Variants in RAD54B observed in about 807,000 individuals in gnomAD.
RAD54B encodes RAD54 homolog B, also known as DNA repair and recombination protein RAD54B.
In RAD54B, 78 loss-of-function variants were observed where a neutral mutation model predicts 95.8. The observed-to-expected ratio is 0.81, with a 90% CI of 0.68 to 0.98. The LOEUF (loss-of-function observed/expected upper bound fraction) is 0.98. Ranked by LOEUF, RAD54B falls within the 50% of genes least tolerant of loss-of-function variation. The pLI is 0.00. For synonymous variants in RAD54B, 328 were observed against 354.9 expected, an observed-to-expected ratio of 0.92 and a Z score of 0.85; for missense variants, 957 against 1,056.6, an observed-to-expected ratio of 0.91 and a Z score of 1.31.
chr8:94,393,413 AC>A (rs1811068116), intron 9 of RAD54B: 1 of 228,332 alleles, frequency 4.4e-6, no homozygotes, highest in Non-Finnish European at 8.4e-6. Context: ...AGACTGGGCA[AC>A]GCAGAGTGAC....
chr8:94,433,979 T>C (rs1253618670), intron 3 of RAD54B, among the ~76,000 whole-genome samples: 1 of 151,716 alleles, frequency 6.6e-6, no homozygotes, highest in African/African-American at 2.4e-5. Context: ...AGAGACAAAA[T>C]GAAACATATA....
At chr8:94,459,774 C>T (rs1207321835) in intron 2 of RAD54B, among the ~76,000 whole-genome samples, 1 of 151,234 alleles carries the variant, frequency 6.6e-6, no homozygotes, top group Non-Finnish European at 1.5e-5. Context: ...GCAGGAGAAT[C>T]GCTTGAACTC....
chr8:94,437,273 T>C (rs1812291650), intron 3 of RAD54B, among the ~76,000 whole-genome samples: 2 of 152,230 alleles, frequency 1.3e-5, no homozygotes, highest in South Asian at 4.1e-4. Context: ...GCAGTATCAC[T>C]TTAATAAAAA....
chr8:94,393,527 T>C (rs1203410618), intron 9 of RAD54B: 2 of 424,710 alleles, frequency 4.7e-6, no homozygotes, highest in Admixed American at 8.7e-5. Flanking sequence ...AACATTTTTA[T>C]ATGTTTATTG....
intron 1 of RAD54B, among the ~76,000 whole-genome samples, chr8:94,469,323 T>G (rs1813111522): frequency 6.6e-6 from 1 of 152,130 alleles, no homozygotes. Context: ...GATCCGATGG[T>G]TTTATACATG....
intron 1 of RAD54B, among the ~76,000 whole-genome samples, chr8:94,473,229 T>C (rs895682391): frequency 2.0e-5 from 3 of 152,226 alleles, no homozygotes; most frequent in African/African-American, 7.2e-5. Flanking sequence ...AGCCCTGATG[T>C]GATGCTACAA....
intron 3 of RAD54B, among the ~76,000 whole-genome samples, chr8:94,414,251 A>T (rs1245630162): frequency 6.6e-6 from 1 of 152,214 alleles, no homozygotes. Flanking sequence ...TTTTCTAGAT[A>T]TACAATCATG....
At chr8:94,470,241 AC>A in intron 1 of RAD54B, among the ~76,000 whole-genome samples, 1 of 152,098 alleles carries the variant, frequency 6.6e-6, no homozygotes, top group East Asian at 1.9e-4. Context: ...CAGGTGGATC[AC>A]CTGAGGTCGG....
At chr8:94,396,045 G>C (rs1811135017) in intron 8 of RAD54B, among the ~76,000 whole-genome samples, 1 of 151,890 alleles carries the variant, frequency 6.6e-6, no homozygotes, top group South Asian at 2.1e-4. Context: ...ACACAAGAAG[G>C]GAATAGGAAA....
At chr8:94,372,766 A>G (rs902915584) in intron 14 of RAD54B, among the ~76,000 whole-genome samples, 2 of 152,238 alleles carry the variant, frequency 1.3e-5, no homozygotes, top group Non-Finnish European at 2.9e-5. Context: ...TCAGCATTCC[A>G]TAATGAAACT....
At chr8:94,474,633 C>A (rs986771470) in intron 1 of RAD54B, among the ~76,000 whole-genome samples, 14 of 152,300 alleles carry the variant, frequency 9.2e-5, no homozygotes, top group African/African-American at 3.4e-4. Flanking sequence ...GAGCCTTCAC[C>A]CCCTGGCCCT....
Position 94,432,144 on chromosome 8 carries a change from T to C in RAD54B, c.305-20829A>G, listed in dbSNP as rs1254487920. On this transcript the variant is annotated intron_variant, in intron 3 of 14. Coordinates refer to ENST00000336148, the MANE Select transcript of RAD54B (RefSeq NM_012415.3). Reference sequence around the variant, plus strand: ...TGAAAAAAAAACTTAGAGACTGTTATATTCAGGTAGATCATGCCGTAAGCG... The same window carrying C: ...TGAAAAAAAAACTTAGAGACTGTTACATTCAGGTAGATCATGCCGTAAGCG... 4.5e-6 allele frequency: 7 copies of C among 1,547,872 alleles called. No individual in the cohort carries two copies. In the East Asian group the frequency reaches 1.7e-4, roughly 38 times the overall value.
At chr8:94,374,341 C>T (rs944288176) in intron 14 of RAD54B, among the ~76,000 whole-genome samples, 1 of 150,906 alleles carries the variant, frequency 6.6e-6, no homozygotes, top group East Asian at 1.9e-4. Context: ...TAGAATAATA[C>T]CTGCAAAGTA....
intron 3 of RAD54B, among the ~76,000 whole-genome samples, chr8:94,455,922 A>G (rs1282446853): frequency 6.6e-6 from 1 of 152,174 alleles, no homozygotes; most frequent in African/African-American, 2.4e-5. Context: ...CAAAGACCCT[A>G]TTTCCAAATA....
In RAD54B at chr8:94,407,559, A is replaced by C; in HGVS notation, c.661T>G (p.Ser221Ala). The C allele has an allele frequency of 6.2e-7, 1 of 1,614,042 alleles. No homozygotes were observed. The highest frequency in any genetic ancestry group is 1.1e-5 in the South Asian group (1 of 91,084). ...GGGSTAISHSSQVARKCFSNP... is the reference protein window; with the variant it reads ...GGGSTAISHSAQVARKCFSNP... ...GAGAAACATTTCCTGGCAACCTGAG[A>C]AGAATGCGAGATAGCAGTACTTCCT... Residue 221 changes from serine to alanine, a missense_variant, in exon 5 of 15, where the codon TCT (serine) becomes GCT (alanine). Ser to Ala is a moderately conservative substitution (Grantham distance 99). Coordinates refer to ENST00000336148, the MANE Select transcript of RAD54B (RefSeq NM_012415.3).
At chr8:94,450,846 A>T (rs2011246) in intron 3 of RAD54B, among the ~76,000 whole-genome samples, 38,021 of 152,040 alleles carry the variant, frequency 0.25, 5,713 homozygotes, top group East Asian at 0.43. Context: ...TTACTATTAA[A>T]TTTGGTCCCT....
chr8:94,407,560 A>C lies in RAD54B; in HGVS notation c.660T>G (p.Ser220=), dbSNP rs780466933. Residue 220 remains serine (S), a synonymous_variant, in exon 5 of 15, where the codon TCT becomes TCG. Transcript: ENST00000336148. ...AGAAACATTTCCTGGCAACCTGAGA[A>C]GAATGCGAGATAGCAGTACTTCCTC... ...LGGGSTAISH[S]SQVARKCFSN... 3 of 1,614,050 alleles carry C rather than the reference A, an allele frequency of 1.9e-6. No homozygotes were observed. The Admixed American group carries it at 5.0e-5, about 27-fold the overall frequency.
At chr8:94,467,616 A>G (rs1180796391) in intron 1 of RAD54B, 61 bp from the exon 2 acceptor site, 1 of 1,485,330 alleles carries the variant, frequency 6.7e-7, no homozygotes, top group East Asian at 2.3e-5. Context: ...CCCCAAATAT[A>G]AAAATAGCTC....
At chr8:94,471,833 A>T (rs1485077809) in intron 1 of RAD54B, among the ~76,000 whole-genome samples, 4 of 151,900 alleles carry the variant, frequency 2.6e-5, no homozygotes, top group African/African-American at 9.7e-5. Context: ...AATGCCATCA[A>T]TTGTAAGATA....
Sources: allele counts gnomAD v4.1 joint callset (sites outside exome capture counted in the v4.1 genomes callset), GRCh38; gene constraint gnomAD v4.1.1; transcripts MANE v1.5; gene names NCBI Gene and HGNC (gene_info 2026-07-23, HGNC 2026-07-21).